Variants in DYNC1I1 observed in about 807,000 individuals in gnomAD.
DYNC1I1 encodes dynein cytoplasmic 1 intermediate chain 1, also known as cytoplasmic dynein 1 intermediate chain 1.
In DYNC1I1, 43 loss-of-function variants were observed where a neutral mutation model predicts 86.6. The ratio of observed to expected loss-of-function variants is 0.50; its 90% CI spans 0.39 to 0.64. The LOEUF is 0.64. Among genes scored for constraint, DYNC1I1 ranks in the 30% least tolerant of loss-of-function variants. The pLI, the probability that DYNC1I1 is intolerant of heterozygous loss-of-function variation, is 0.00. For synonymous variants in DYNC1I1, 262 were observed against 283.7 expected, an observed-to-expected ratio of 0.92 and a Z score of 0.77; for missense variants, 604 against 788.8, an observed-to-expected ratio of 0.77 and a Z score of 2.81.
At chr7:96,061,708 TCTCTCA>T (rs951347040) in intron 14 of DYNC1I1, among the ~76,000 whole-genome samples, 2 of 127,708 alleles carry the variant, frequency 1.6e-5, no homozygotes, top group African/African-American at 3.4e-5. Context: ...TCTCTCTCTC[TCTCTCA>T]CACACACACA....
chr7:96,054,168 G>C (rs1789499498), intron 14 of DYNC1I1, among the ~76,000 whole-genome samples: 1 of 152,108 alleles, frequency 6.6e-6, no homozygotes. Context: ...CCTGGTGTGT[G>C]ATGTTCCCCT....
At chr7:96,020,844 A>T (rs1705099389) in intron 10 of DYNC1I1, among the ~76,000 whole-genome samples, 1 of 152,212 alleles carries the variant, frequency 6.6e-6, no homozygotes, top group Admixed American at 6.5e-5. Context: ...ACATGCTACA[A>T]CATAGATAAA....
intron 6 of DYNC1I1, among the ~76,000 whole-genome samples, chr7:95,921,394 A>G (rs1303356079): frequency 6.6e-6 from 1 of 152,160 alleles, no homozygotes; most frequent in Non-Finnish European, 1.5e-5. Flanking sequence ...TTTCTGGGAG[A>G]GCCCTTGTGT....
chr7:95,967,356 G>C (rs1040662527), intron 6 of DYNC1I1, among the ~76,000 whole-genome samples: 1 of 152,178 alleles, frequency 6.6e-6, no homozygotes, highest in Non-Finnish European at 1.5e-5. Flanking sequence ...GAACTGGGGG[G>C]TTCTTAGAAT....
chr7:95,965,733 A>G (rs1260896822), intron 6 of DYNC1I1, among the ~76,000 whole-genome samples: 6 of 152,156 alleles, frequency 3.9e-5, no homozygotes, highest in African/African-American at 9.7e-5. Context: ...GAAAAAAATA[A>G]CAAAGAAGAT....
intron 6 of DYNC1I1, among the ~76,000 whole-genome samples, chr7:95,960,128 C>T (rs377530783): frequency 5.4e-4 from 82 of 152,128 alleles, no homozygotes; most frequent in Admixed American, 1.4e-3. Flanking sequence ...TTTTTTGAGA[C>T]GGAGTTTTGC....
rs374136347 is a variant in DYNC1I1 at position 95,786,149 on chromosome 7, C to T, written c.-10+13376C>T. ...GGACCAAAGGGCAGAAAAAAATAGC[C>T]CTGGGTCAGTTATGTCCTGAGAGTG... On this transcript the variant is annotated intron_variant, in intron 1 of 16. Coordinates refer to ENST00000447467, the MANE Select transcript of DYNC1I1 (RefSeq NM_001135556.2). Among the ~76,000 whole-genome samples the T allele has an allele frequency of 6.4e-4, 97 of 152,110 alleles. 1 individual carries two copies. The Middle Eastern group carries it at 0.01, about 16-fold the overall frequency.
chr7:95,910,193 C>T (rs1791295498), intron 6 of DYNC1I1, among the ~76,000 whole-genome samples: 1 of 152,166 alleles, frequency 6.6e-6, no homozygotes, highest in African/African-American at 2.4e-5. Context: ...TTGAGTCCCT[C>T]CTAAGGCCTG....
chr7:95,920,488 T>C (rs557884618), intron 6 of DYNC1I1, among the ~76,000 whole-genome samples: 2 of 152,294 alleles, frequency 1.3e-5, no homozygotes, highest in East Asian at 1.9e-4. Flanking sequence ...AAAGAATGGA[T>C]TCTAGAGTGT....
chr7:96,046,552 T>C (rs768896766), intron 14 of DYNC1I1, among the ~76,000 whole-genome samples: 2 of 152,244 alleles, frequency 1.3e-5, no homozygotes, highest in Non-Finnish European at 2.9e-5. Flanking sequence ...GTGGGGAAAC[T>C]GGGATTCAAA....
intron 1 of DYNC1I1, among the ~76,000 whole-genome samples, chr7:95,786,893 T>C (rs972824166): frequency 1.3e-5 from 2 of 152,180 alleles, no homozygotes; most frequent in Non-Finnish European, 2.9e-5. Flanking sequence ...TATATGGACA[T>C]GTGTGTGGGT....
intron 15 of DYNC1I1, 114 bp from the exon 16 acceptor site, chr7:96,080,249 C>T (rs886389760): frequency 1.5e-4 from 203 of 1,330,532 alleles, no homozygotes; most frequent in Non-Finnish European, 1.9e-4. Flanking sequence ...ATGTGTATTA[C>T]TTAATGCACA....
At chr7:95,833,974 C>T (rs1788999097) in intron 5 of DYNC1I1, among the ~76,000 whole-genome samples, 1 of 96,706 alleles carries the variant, frequency 1.0e-5, no homozygotes, top group Non-Finnish European at 2.0e-5. Flanking sequence ...CCTTGTCCTG[C>T]CTAATTGCCC....
chr7:96,070,242 TTTTGGTTTGG>T lies in DYNC1I1; in HGVS notation c.1510-5800_1510-5791del, dbSNP rs979169637. ...CTCCCTTGGGCCAAGAGAGTTGGTT[TTTTGGTTTGG>T]TTTGGTTTGGTTTGCGAGTTTTGGT... On this transcript the variant is annotated intron_variant, in intron 14 of 16. Coordinates refer to ENST00000447467, the MANE Select transcript of DYNC1I1 (RefSeq NM_001135556.2). Among the ~76,000 whole-genome samples, 10 of 152,240 alleles carry T rather than the reference TTTTGGTTTGG, an allele frequency of 6.6e-5. No individual in the cohort carries two copies. The East Asian group carries it at 1.9e-3, about 29-fold the overall frequency.
Position 96,028,226 on chromosome 7 carries a change from G to T in DYNC1I1, c.1021G>T (p.Gly341Cys), listed in dbSNP as rs1207515046. 3 of 1,613,752 alleles carry T rather than the reference G, an allele frequency of 1.9e-6. No individual in the cohort carries two copies. Among genetic ancestry groups the T allele is most frequent in the Non-Finnish European group, 2.5e-6 (3 of 1,179,882 alleles). ...FARFHPNLVVGGTYSGQIVLW... is the reference protein window; with the variant it reads ...FARFHPNLVVCGTYSGQIVLW... ...CCGTTTCCATCCTAACTTGGTGGTT[G>T]GTGGGACTTACTCGGGCCAGATTGT... The change falls in exon 11 of 17, where the codon GGT (glycine) becomes TGT (cysteine). Residue 341 changes from glycine to cysteine, a missense_variant. Transcript: ENST00000447467.
chr7:95,945,338 A>G (rs1022687450), intron 6 of DYNC1I1, among the ~76,000 whole-genome samples: 22 of 152,230 alleles, frequency 1.4e-4, no homozygotes, highest in African/African-American at 5.1e-4. Flanking sequence ...TTTAATAATA[A>G]AGTCTTCTAA....
At chr7:95,861,758 T>G (rs2116125282) in intron 5 of DYNC1I1, among the ~76,000 whole-genome samples, 1 of 152,212 alleles carries the variant, frequency 6.6e-6, no homozygotes, top group East Asian at 1.9e-4. Flanking sequence ...AGTGACGCTC[T>G]TGCTAGTGGT....
chr7:95,853,569 G>A (rs1435239321), intron 5 of DYNC1I1, among the ~76,000 whole-genome samples: 1 of 152,080 alleles, frequency 6.6e-6, no homozygotes, highest in Admixed American at 6.5e-5. Flanking sequence ...GACTTTTTTT[G>A]TGGCCTAACA....
At chr7:96,014,112 T>C (rs1412620363) in intron 10 of DYNC1I1, among the ~76,000 whole-genome samples, 1 of 152,160 alleles carries the variant, frequency 6.6e-6, no homozygotes, top group Non-Finnish European at 1.5e-5. Context: ...CAAATCATTT[T>C]TTACTTAGGA....
Sources: allele counts gnomAD v4.1 joint callset (sites outside exome capture counted in the v4.1 genomes callset), GRCh38; gene constraint gnomAD v4.1.1; transcripts MANE v1.5; gene names NCBI Gene and HGNC (gene_info 2026-07-23, HGNC 2026-07-21).